CTTNBP2: variants seen among roughly 807,000 people sequenced by gnomAD.
CTTNBP2 encodes the protein cortactin-binding protein 2.
CTTNBP2 carries 108 observed loss-of-function variants against 156.9 expected under a neutral mutation model. The observed-to-expected ratio is 0.69, with a 90% CI of 0.59 to 0.81. The LOEUF is 0.81. CTTNBP2 is among the 30% of genes least tolerant of loss of function. CTTNBP2 has a pLI of 0.00. For synonymous variants in CTTNBP2, 767 were observed against 751.8 expected, an observed-to-expected ratio of 1.02 and a Z score of -0.33; for missense variants, 1,924 against 2,035.4, an observed-to-expected ratio of 0.95 and a Z score of 1.05.
chr7:117,811,846 TAA>T (rs1343127393), intron 2 of CTTNBP2, among the ~76,000 whole-genome samples: 2 of 50,870 alleles, frequency 3.9e-5, no homozygotes, highest in Non-Finnish European at 7.0e-5. Flanking sequence ...TTAATTAAAT[TAA>T]AATTTTAATG....
At chr7:117,865,337 T>TC (rs1804097656) in intron 1 of CTTNBP2, among the ~76,000 whole-genome samples, 1 of 151,844 alleles carries the variant, frequency 6.6e-6, no homozygotes, top group African/African-American at 2.4e-5. Flanking sequence ...AGCTATTTTT[T>TC]AGTGATGAAA....
intron 14 of CTTNBP2, among the ~76,000 whole-genome samples, chr7:117,738,848 G>C (rs1347164090): frequency 1.3e-5 from 2 of 152,152 alleles, no homozygotes; most frequent in Non-Finnish European, 2.9e-5. Context: ...CTTGGAAAGA[G>C]GCAATATGCT....
chr7:117,765,505 GC>G (rs1325669072), intron 9 of CTTNBP2, among the ~76,000 whole-genome samples: 1 of 152,166 alleles, frequency 6.6e-6, no homozygotes, highest in Non-Finnish European at 1.5e-5. Flanking sequence ...GGATTCAGAT[GC>G]CCTTTCCCTT....
chr7:117,766,956 G>C, intron 9 of CTTNBP2, 103 bp downstream of exon 9: 1 of 731,038 alleles, frequency 1.4e-6, no homozygotes. Context: ...GCTCCAAAAA[G>C]GTTAAAAAGG....
Position 117,746,067 on chromosome 7 carries a change from G to A in CTTNBP2, c.3381C>T (p.Gly1127=). 1 of 1,614,026 alleles carries A rather than the reference G, an allele frequency of 6.2e-7. No homozygotes were observed. The highest frequency in any genetic ancestry group is 1.3e-5 in the African/African-American group (1 of 75,022). ...VEQYHNVIFH[G]PEGSLQDYIV... ...TGTAGTCTTGCAAGCTTCCTTCTGG[G>A]CCGTGGAAAATGACATTATGATATT... The change falls in exon 13 of 23, where the codon GGC becomes GGT. Residue 1127 remains glycine (G), a synonymous_variant. Coordinates refer to ENST00000160373, the MANE Select transcript of CTTNBP2 (RefSeq NM_033427.3).
At chr7:117,836,874 T>C (rs1316654374) in intron 2 of CTTNBP2, among the ~76,000 whole-genome samples, 5 of 152,158 alleles carry the variant, frequency 3.3e-5, no homozygotes, top group Admixed American at 3.3e-4. Flanking sequence ...GAGAACAGTA[T>C]GGGGGAAACC....
intron 22 of CTTNBP2, among the ~76,000 whole-genome samples, chr7:117,716,974 A>G (rs1323598755): frequency 5.3e-5 from 8 of 152,242 alleles, no homozygotes; most frequent in Non-Finnish European, 1.2e-4. Context: ...ACCCACACAC[A>G]GGTCTTTGCC....
intron 4 of CTTNBP2, among the ~76,000 whole-genome samples, chr7:117,787,345 G>A (rs1798755254): frequency 6.6e-6 from 1 of 152,170 alleles, no homozygotes; most frequent in South Asian, 2.1e-4. Context: ...GGGAATGACT[G>A]GACATGCAAT....
chr7:117,731,757 G>GC (rs1205795931), intron 16 of CTTNBP2, among the ~76,000 whole-genome samples: 1 of 152,212 alleles, frequency 6.6e-6, no homozygotes, highest in African/African-American at 2.4e-5. Context: ...GGCGGGGGAA[G>GC]CCCGGAGTTA....
At chr7:117,851,567 T>C (rs1344300132) in intron 2 of CTTNBP2, among the ~76,000 whole-genome samples, 1 of 152,240 alleles carries the variant, frequency 6.6e-6, no homozygotes, top group East Asian at 1.9e-4. Flanking sequence ...TTTTACCACA[T>C]CTGTTTCCTA....
intron 16 of CTTNBP2, among the ~76,000 whole-genome samples, chr7:117,733,728 G>C (rs1037861145): frequency 3.9e-5 from 6 of 152,124 alleles, no homozygotes; most frequent in Non-Finnish European, 7.3e-5. Context: ...ACCAGTGGCA[G>C]ACACTGTTCA....
chr7:117,760,740 A>T (rs908718981), intron 9 of CTTNBP2, 30 bp from the exon 10 acceptor site: 3 of 1,514,826 alleles, frequency 2.0e-6, no homozygotes, highest in Non-Finnish European at 2.7e-6. Context: ...ATTAGGAGTT[A>T]AAAAAATCTG....
intron 14 of CTTNBP2, among the ~76,000 whole-genome samples, chr7:117,743,401 G>A (rs1226012993): frequency 6.6e-6 from 1 of 152,136 alleles, no homozygotes; most frequent in Admixed American, 6.5e-5. Flanking sequence ...TTAAGGTCAG[G>A]CTTAGGAGCT....
intron 2 of CTTNBP2, among the ~76,000 whole-genome samples, chr7:117,844,044 G>A (rs575174150): frequency 2.3e-4 from 32 of 136,180 alleles, no homozygotes; most frequent in East Asian, 8.9e-4. Context: ...AACAGAAGCA[G>A]AAACGAAGAG....
At chr7:117,865,353 C>T (rs994200414) in intron 1 of CTTNBP2, among the ~76,000 whole-genome samples, 1 of 151,678 alleles carries the variant, frequency 6.6e-6, no homozygotes, top group Non-Finnish European at 1.5e-5. Flanking sequence ...TGAAAAGAAA[C>T]TAAAAACAAA....
At chr7:117,848,625 C>T (rs76995837) in intron 2 of CTTNBP2, among the ~76,000 whole-genome samples, 4,335 of 152,292 alleles carry the variant, frequency 0.028, 221 homozygotes, top group African/African-American at 0.099. Context: ...GTAACTCAAG[C>T]TGCTCCTATT....
chr7:117,820,502 C>A (rs143455148), intron 2 of CTTNBP2, among the ~76,000 whole-genome samples: 1 of 152,314 alleles, frequency 6.6e-6, no homozygotes, highest in African/African-American at 2.4e-5. Flanking sequence ...CTGGAAGTTG[C>A]ATATATTTAG....
Position 117,792,468 on chromosome 7 carries a change from G to T in CTTNBP2, c.728C>A (p.Ala243Asp). The change falls in exon 4 of 23, where the codon GCC (alanine) becomes GAC (aspartate). Residue 243 changes from alanine to aspartate, a missense_variant. Coordinates refer to ENST00000160373, the MANE Select transcript of CTTNBP2 (RefSeq NM_033427.3). The surrounding 1 kb of genome is among the most constrained non-coding windows in gnomAD (Gnocchi z 4.2). ...EFDTEREQLRAKLNREEAHTT... is the reference protein window; with the variant it reads ...EFDTEREQLRDKLNREEAHTT... ...GTGTGCTTCTTCCCGGTTCAGCTTG[G>T]CACGAAGCTGTTCCCGCTCAGTGTC... 1 of 1,614,116 alleles carries T rather than the reference G, an allele frequency of 6.2e-7. No homozygotes were observed. Among genetic ancestry groups the T allele is most frequent in the Non-Finnish European group, 8.5e-7 (1 of 1,180,020 alleles).
chr7:117,764,046 C>T (rs934024029), intron 9 of CTTNBP2, among the ~76,000 whole-genome samples: 1 of 152,102 alleles, frequency 6.6e-6, no homozygotes, highest in African/African-American at 2.4e-5. Context: ...TGACTTGAAC[C>T]ATGACCCTGT....
Sources: allele counts gnomAD v4.1 joint callset (sites outside exome capture counted in the v4.1 genomes callset), GRCh38; gene constraint gnomAD v4.1.1; non-coding constraint Gnocchi (gnomAD v3.1); transcripts MANE v1.5; gene names NCBI Gene and HGNC (gene_info 2026-07-23, HGNC 2026-07-21).